Variants in SGCZ observed in about 807,000 individuals in gnomAD.
SGCZ encodes the protein sarcoglycan zeta, also known as zeta-sarcoglycan.
A neutral mutation model predicts 41.3 loss-of-function variants in SGCZ; 40 were observed. The ratio of observed to expected loss-of-function variants is 0.97; its 90% CI spans 0.75 to 1.26. SGCZ has a LOEUF of 1.26. Among genes scored for constraint, SGCZ ranks in the 50% most tolerant of loss-of-function variants. The pLI is 0.00. For missense variants in SGCZ, 552 were observed against 369.8 expected (o/e 1.49, Z -4.04); for synonymous variants, 206 against 137.5 (o/e 1.50, Z -3.49).
intron 1 of SGCZ, among the ~76,000 whole-genome samples, chr8:14,999,757 A>G (rs756509441): frequency 1.3e-5 from 2 of 152,234 alleles, no homozygotes; most frequent in Non-Finnish European, 2.9e-5. Context: ...CATTTAAAAA[A>G]GCTATGAAGG....
chr8:14,847,581 TA>T (rs1438834644), intron 1 of SGCZ, among the ~76,000 whole-genome samples: 1 of 150,070 alleles, frequency 6.7e-6, no homozygotes, highest in East Asian at 2.0e-4. Context: ...CTTTTTCTAT[TA>T]AAAATTATCA....
chr8:14,998,572 T>C (rs1185376547), intron 1 of SGCZ, among the ~76,000 whole-genome samples: 1 of 152,190 alleles, frequency 6.6e-6, no homozygotes, highest in Admixed American at 6.5e-5. Flanking sequence ...TAAAAACTCA[T>C]CTTGACTTCT....
chr8:14,238,835 C>T (rs1003846543), intron 3 of SGCZ, among the ~76,000 whole-genome samples: 2 of 152,008 alleles, frequency 1.3e-5, no homozygotes, highest in African/African-American at 4.8e-5. Flanking sequence ...ATGAAAATCT[C>T]CTCCAATATC....
At position 14,900,964 on chromosome 8, in the gene SGCZ, C is replaced by G. The variant is rs539863708; in HGVS notation, c.39+336621G>C. On this transcript the variant is annotated intron_variant, in intron 1 of 7. Transcript: ENST00000382080. ...CCTATAAAGTATTTATTTCTGTGGACTGTGATAGTCTAGATAGCTCAGGCT... is the reference window on the plus strand; with the variant it reads ...CCTATAAAGTATTTATTTCTGTGGAGTGTGATAGTCTAGATAGCTCAGGCT... Among the ~76,000 whole-genome samples, 194 of 152,232 alleles carry G rather than the reference C, an allele frequency of 1.3e-3. 1 individual carries two copies. Among genetic ancestry groups the G allele is most frequent in the African/African-American group, 4.4e-3 (184 of 41,558 alleles).
intron 1 of SGCZ, among the ~76,000 whole-genome samples, chr8:14,781,664 G>A (rs1800591519): frequency 6.6e-6 from 1 of 151,960 alleles, no homozygotes; most frequent in Non-Finnish European, 1.5e-5. Context: ...ACATATAGAC[G>A]TTCCTCAACT....
chr8:14,324,084 C>T lies in SGCZ; in HGVS notation c.336+19G>A, dbSNP rs774161315. On this transcript the variant is annotated intron_variant, in intron 3 of 7. Transcript: ENST00000382080. ...CTCTAAATTATCTTTTAGAGTAAGC[C>T]AAAGCCAGTATCACATACCTTTCGA... 2.9e-5 allele frequency: 45 copies of T among 1,550,182 alleles called. 1 individual carries two copies. The highest frequency in any genetic ancestry group is 2.8e-4 in the South Asian group (25 of 89,592).
chr8:14,406,846 T>C (rs939080067), intron 2 of SGCZ, among the ~76,000 whole-genome samples: 2 of 152,104 alleles, frequency 1.3e-5, no homozygotes, highest in Admixed American at 6.6e-5. Flanking sequence ...GAGATGCAGT[T>C]CTGTGAAAAC....
chr8:14,524,269 G>A (rs1338528277), intron 2 of SGCZ, among the ~76,000 whole-genome samples: 1 of 151,338 alleles, frequency 6.6e-6, no homozygotes, highest in African/African-American at 2.4e-5. Flanking sequence ...GGTATGTGCT[G>A]CCTTACTGAT....
intron 1 of SGCZ, among the ~76,000 whole-genome samples, chr8:14,997,863 G>T (rs1317817148): frequency 6.6e-6 from 1 of 152,108 alleles, no homozygotes; most frequent in East Asian, 1.9e-4. Flanking sequence ...AGGAGGCTGA[G>T]ACAGGAGAAT....
At chr8:15,215,819 AT>A (rs1328965620) in intron 1 of SGCZ, among the ~76,000 whole-genome samples, 6 of 152,328 alleles carry the variant, frequency 3.9e-5, no homozygotes, top group Middle Eastern at 3.4e-3. Context: ...GACAAAACAT[AT>A]TTTTAAAGTA....
chr8:15,218,576 C>G (rs1201144979), intron 1 of SGCZ, among the ~76,000 whole-genome samples: 7 of 152,198 alleles, frequency 4.6e-5, no homozygotes, highest in Admixed American at 3.9e-4. Context: ...CATCCCAGGA[C>G]AGATTTTAAC....
chr8:14,096,205 T>C (rs186441737), intron 7 of SGCZ, among the ~76,000 whole-genome samples: 197 of 152,214 alleles, frequency 1.3e-3, no homozygotes, highest in African/African-American at 4.4e-3. Context: ...ATGCTTCCAG[T>C]TTTTGCCCAT....
chr8:15,140,283 C>T (rs1808273261), intron 1 of SGCZ, among the ~76,000 whole-genome samples: 1 of 152,046 alleles, frequency 6.6e-6, no homozygotes, highest in African/African-American at 2.4e-5. Flanking sequence ...CATTGGCCTC[C>T]CAAAGTGCTG....
chr8:14,635,301 T>C (rs180845203), intron 1 of SGCZ, among the ~76,000 whole-genome samples: 60 of 152,048 alleles, frequency 3.9e-4, no homozygotes, highest in African/African-American at 1.3e-3. Context: ...GGTCACCTTT[T>C]TAGCCATGAG....
chr8:14,951,038 T>C (rs1012023632), intron 1 of SGCZ, among the ~76,000 whole-genome samples: 2 of 151,936 alleles, frequency 1.3e-5, no homozygotes, highest in African/African-American at 4.8e-5. Flanking sequence ...GCATCAACAG[T>C]GTGGAGAAAA....
At position 14,108,957 on chromosome 8, in the gene SGCZ, A is replaced by G. The variant is rs556984084; in HGVS notation, c.548-722T>C. Among the ~76,000 whole-genome samples, 3 of 152,318 alleles carry G rather than the reference A, an allele frequency of 2.0e-5. 1 individual carries two copies. The South Asian group carries it at 6.2e-4, about 32-fold the overall frequency. ...ACTCAATTCTGTGTTTCTATAAATA[A>G]TAGCAGGTCATGAATGAAAATGTGG... On this transcript the variant is annotated intron_variant, in intron 5 of 7. Transcript: ENST00000382080.
chr8:14,869,276 G>T (rs1002304268), intron 1 of SGCZ, among the ~76,000 whole-genome samples: 2 of 152,106 alleles, frequency 1.3e-5, no homozygotes, highest in South Asian at 4.1e-4. Flanking sequence ...ATGCAAGCCT[G>T]GTTTAACATA....
intron 2 of SGCZ, among the ~76,000 whole-genome samples, chr8:14,361,830 G>T (rs910685484): frequency 5.3e-5 from 8 of 152,090 alleles, no homozygotes; most frequent in Non-Finnish European, 2.9e-5. Flanking sequence ...ATCTATCTTT[G>T]GTTCTTAATG....
chr8:14,910,174 A>G (rs1799241209), intron 1 of SGCZ, among the ~76,000 whole-genome samples: 1 of 144,498 alleles, frequency 6.9e-6, no homozygotes, highest in Admixed American at 6.8e-5. Flanking sequence ...ACCATCTTCA[A>G]AACCAGTAAC....
Sources: gnomAD v4.1 joint callset for allele counts (sites outside exome capture counted in the v4.1 genomes callset) on GRCh38, gnomAD v4.1.1 for gene constraint, MANE v1.5 for transcripts, NCBI Gene and HGNC (gene_info 2026-07-23, HGNC 2026-07-21) for gene names.